SPATA31D1: variants seen among roughly 807,000 people sequenced by gnomAD.
The protein encoded by SPATA31D1 is SPATA31 subfamily D member 1, also known as spermatogenesis-associated protein 31D1.
Under a neutral mutation model 13.2 loss-of-function variants are expected in SPATA31D1, and 6 were observed. The observed-to-expected ratio is 0.46, with a 90% confidence interval of 0.25 to 0.90. SPATA31D1 has a LOEUF of 0.90. Ranked by LOEUF, SPATA31D1 falls within the 40% of genes least tolerant of loss-of-function variation. The pLI is 0.18. For missense variants in SPATA31D1, 2,445 were observed against 1,884.7 expected (o/e 1.30, Z -5.50); for synonymous variants, 903 against 718.8 (o/e 1.26, Z -4.10).
chr9:81,990,929 T>C lies in SPATA31D1; in HGVS notation c.459T>C (p.Ala153=). ...LLSWESLKDA[A]PSVSPLASSA... ...CTTGGGAGTCCCTGAAAGATGCTGC[T>C]CCCTCTGTGTCCCCTTTGGCTTCTT... Residue 153 remains alanine, a synonymous_variant, in exon 4 of 4, where the codon GCT becomes GCC. Transcript: ENST00000344803. The C allele has an allele frequency of 6.2e-7, 1 of 1,613,900 alleles. No individual in the cohort carries two copies. Among genetic ancestry groups the C allele is most frequent in the Non-Finnish European group, 8.5e-7 (1 of 1,179,864 alleles).
In SPATA31D1 at chr9:81,994,046, T is replaced by C. The variant is rs1825041287; in HGVS notation, c.3576T>C (p.Pro1192=). Residue 1192 remains proline (P), a synonymous_variant, in exon 4 of 4, where the codon CCT becomes CCC. Coordinates refer to ENST00000344803, the MANE Select transcript of SPATA31D1 (RefSeq NM_001001670.3). ...TEIFPPRISV[P]QDPKSSYLKN... is the part of the protein sequence containing the mutation. ...TTTTCCCACCAAGAATATCAGTTCC[T>C]CAAGATCCTAAATCATCATACCTTA... The C allele has an allele frequency of 6.2e-7, 1 of 1,613,850 alleles. No homozygotes were observed. Among genetic ancestry groups the C allele is most frequent in the Admixed American group, 1.7e-5 (1 of 60,018 alleles).
Position 81,994,336 on chromosome 9 carries a change from C to T in SPATA31D1, c.3866C>T (p.Pro1289Leu), listed in dbSNP as rs929757278. ...AAGTGTCAAGTTACGAATTTCCCAC[C>T]AGCTGTAAACAGAGTGAGTCCTGTG... ...LQKCQVTNFPPAVNRVSPVRP... is the reference protein window; with the variant it reads ...LQKCQVTNFPLAVNRVSPVRP... The change falls in exon 4 of 4, where the codon CCA (proline) becomes CTA (leucine). Residue 1289 changes from proline (P) to leucine (L), a missense_variant. Coordinates refer to ENST00000344803, the MANE Select transcript of SPATA31D1 (RefSeq NM_001001670.3). The T allele has an allele frequency of 1.4e-5, 23 of 1,613,800 alleles. No individual in the cohort carries two copies. The highest frequency in any genetic ancestry group is 1.0e-4 in the Admixed American group (6 of 59,996).
Position 81,994,565 on chromosome 9 carries a change from C to T in SPATA31D1, c.4095C>T (p.Ser1365=). 1 of 1,613,034 alleles carries T rather than the reference C, an allele frequency of 6.2e-7. No individual in the cohort carries two copies. The highest frequency in any genetic ancestry group is 8.5e-7 in the Non-Finnish European group (1 of 1,179,432). ...KTSLQWFNKP[S]ISYEEQESSW... The stretch of plus-strand genomic sequence containing the variant: ...CTTTGCAGTGGTTTAATAAACCCAG[C>T]ATATCATATGAAGAACAAGAAAGTT... The change falls in exon 4 of 4, where the codon AGC becomes AGT. Residue 1365 remains serine (S), a synonymous_variant. Transcript: ENST00000344803.
chr9:81,990,497 T>C lies in SPATA31D1; in HGVS notation c.302+11T>C, dbSNP rs751427388. ...TTCTCTTCTGAAAAGGTGATTAATC[T>C]TTCCCTTTGTGTCCTGTTCCCACCC... On this transcript the variant is annotated intron_variant, in intron 3 of 3. Transcript: ENST00000344803. 6.3e-7 allele frequency: 1 copy of C among 1,596,332 alleles called. No homozygotes were observed. Among genetic ancestry groups the C allele is most frequent in the African/African-American group, 1.3e-5 (1 of 74,774 alleles).
Position 81,993,118 on chromosome 9 carries a change from A to T in SPATA31D1, c.2648A>T (p.Asp883Val). Reference sequence around the variant, plus strand: ...AATCTGGTAACATTGGTGAGTGAGGACCACTGCGTTGATACTTCCCAGGAA... The same window carrying T: ...AATCTGGTAACATTGGTGAGTGAGGTCCACTGCGTTGATACTTCCCAGGAA... Reference protein sequence around the residue: ...HRNLVTLVSEDHCVDTSQEIS... With the variant: ...HRNLVTLVSEVHCVDTSQEIS... The change falls in exon 4 of 4, where the codon GAC becomes GTC. Residue 883 changes from aspartate (D) to valine (V), a missense_variant. Coordinates refer to ENST00000344803, the MANE Select transcript of SPATA31D1 (RefSeq NM_001001670.3). 1 of 1,613,948 alleles carries T rather than the reference A, an allele frequency of 6.2e-7. No homozygotes were observed. Among genetic ancestry groups the T allele is most frequent in the African/African-American group, 1.3e-5 (1 of 75,042 alleles).
In SPATA31D1 at chr9:81,994,780, G is replaced by T. The variant is rs893139414; in HGVS notation, c.4310G>T (p.Gly1437Val). 1 of 1,613,912 alleles carries T rather than the reference G, an allele frequency of 6.2e-7. No individual in the cohort carries two copies. The highest frequency in any genetic ancestry group is 8.5e-7 in the Non-Finnish European group (1 of 1,179,874). The change falls in exon 4 of 4, where the codon GGG becomes GTG. Residue 1437 changes from glycine (G) to valine (V), a missense_variant. Transcript: ENST00000344803. ...CAAGAGCCCCTTTCCTTCCCAGTGG[G>T]GCTTGGGAAAGCTCAGCACAACCCA... The part of the protein sequence containing the change: ...CPQEPLSFPV[G>V]LGKAQHNPEV...
In SPATA31D1 at chr9:81,993,240, G is replaced by T. The variant is rs753660945; in HGVS notation, c.2770G>T (p.Glu924Ter). ...MLWGLPLKVL[E>*]SIEIFKSKAD... is the part of the protein sequence containing the mutation. ...GTGGGGCCTTCCCCTCAAGGTCCTT[G>T]AATCCATAGAAATCTTCAAATCGAA... is the stretch of plus-strand genomic sequence containing the variant. Residue 924 changes from glutamate (E) to a stop codon, truncating the protein, a stop_gained, in exon 4 of 4, where the codon GAA (glutamate) becomes TAA (stop). Transcript: ENST00000344803. LOFTEE classifies it low-confidence loss of function (END_TRUNC). 7 of 1,613,968 alleles carry T rather than the reference G, an allele frequency of 4.3e-6. No individual in the cohort carries two copies. The highest frequency in any genetic ancestry group is 5.9e-6 in the Non-Finnish European group (7 of 1,179,894).
At chr9:81,987,639 A>G (rs2133433486), upstream of SPATA31D1, among the ~76,000 whole-genome samples, 1 of 152,330 alleles carries the variant, frequency 6.6e-6, no homozygotes. Context: ...TTAACCCCCA[A>G]GATCCCTTGA....
chr9:81,992,443 A>C lies in SPATA31D1; in HGVS notation c.1973A>C (p.Glu658Ala), dbSNP rs142280401. 1 of 1,612,630 alleles carries C rather than the reference A, an allele frequency of 6.2e-7. No homozygotes were observed. The highest frequency in any genetic ancestry group is 8.5e-7 in the Non-Finnish European group (1 of 1,179,712). Residue 658 changes from glutamate to alanine, a missense_variant, in exon 4 of 4, where the codon GAA (glutamate) becomes GCA (alanine). Transcript: ENST00000344803. ...EDFCPPAPNP[E>A]LVRKSFKVHV... is the part of the protein sequence containing the mutation. ...TTTTGTCCTCCAGCTCCCAATCCTG[A>C]ATTGGTCAGAAAGTCCTTCAAGGTC...
At position 81,992,226 on chromosome 9, in the gene SPATA31D1, T is replaced by C. The variant is rs1824984830; in HGVS notation, c.1756T>C (p.Ser586Pro). Reference protein sequence around the residue: ...TQVKSLAQPQSPFRALLPSPL... With the variant: ...TQVKSLAQPQPPFRALLPSPL... ...GGTGAAGTCCCTGGCTCAACCTCAA[T>C]CTCCATTCCGAGCCCTACTACCTAG... The change falls in exon 4 of 4, where the codon TCT (serine) becomes CCT (proline). Residue 586 changes from serine to proline, a missense_variant. Ser to Pro is a moderately conservative substitution (Grantham distance 74). Transcript: ENST00000344803. 5.6e-6 allele frequency: 9 copies of C among 1,613,704 alleles called. No homozygotes were observed. The highest frequency in any genetic ancestry group is 7.6e-6 in the Non-Finnish European group (9 of 1,179,708).
At chr9:81,990,114 T>C in intron 2 of SPATA31D1, 1 of 520,278 alleles carries the variant, frequency 1.9e-6, no homozygotes, top group South Asian at 2.9e-5. Context: ...GAGTCAGAGC[T>C]TCTGTCTCAC....
Position 81,991,277 on chromosome 9 carries a change from C to T in SPATA31D1, c.807C>T (p.Asn269=), listed in dbSNP as rs1279668051. The change falls in exon 4 of 4, where the codon AAC becomes AAT. Residue 269 remains asparagine (N), a synonymous_variant. Transcript: ENST00000344803. ...SLQPEASLSL[N]TIFSFGSTLC... is the part of the protein sequence containing the mutation. The stretch of plus-strand genomic sequence containing the variant: ...AACCTGAAGCCAGTTTGTCTCTGAA[C>T]ACCATCTTTTCATTTGGCTCCACCC... 7 of 1,614,014 alleles carry T rather than the reference C, an allele frequency of 4.3e-6. No individual in the cohort carries two copies. The highest frequency in any genetic ancestry group is 5.9e-6 in the Non-Finnish European group (7 of 1,179,892).
At chr9:81,990,016 G>A (rs1824920420) in intron 2 of SPATA31D1, 193 bp downstream of exon 2, 5 of 627,302 alleles carry the variant, frequency 8.0e-6, no homozygotes, top group African/African-American at 1.9e-5. Flanking sequence ...GCCCATTTAC[G>A]GGCAGGACAA....
In SPATA31D1 at chr9:81,993,747, C is replaced by T; in HGVS notation, c.3277C>T (p.Pro1093Ser). Reference protein sequence around the residue: ...EDGRQTFLPPPHSIVDEVSQK... With the variant: ...EDGRQTFLPPSHSIVDEVSQK... ...TGGCAGACAGACTTTTCTGCCCCCG[C>T]CACACAGCATCGTAGACGAAGTCAG... is the stretch of plus-strand genomic sequence containing the variant. The change falls in exon 4 of 4, where the codon CCA (proline) becomes TCA (serine). Residue 1093 changes from proline to serine, a missense_variant. Transcript: ENST00000344803. 6.2e-7 allele frequency: 1 copy of T among 1,613,984 alleles called. No individual in the cohort carries two copies. Among genetic ancestry groups the T allele is most frequent in the South Asian group, 1.1e-5 (1 of 91,082 alleles).
rs186419676 is a variant in SPATA31D1, at chr9:81,992,176, A to G, written c.1706A>G (p.Gln569Arg). 49 of 1,613,618 alleles carry G rather than the reference A, an allele frequency of 3.0e-5. No individual in the cohort carries two copies. In the African/African-American group the frequency reaches 3.7e-4, roughly 12 times the overall value. Residue 569 changes from glutamine to arginine, a missense_variant, in exon 4 of 4, where the codon CAA (glutamine) becomes CGA (arginine). Physicochemically the swap from Gln to Arg is conservative, Grantham distance 43. Transcript: ENST00000344803. ...CTACCCTTGCCTCAAACCCTGCCCC[A>G]AGGTCAGTCCCCACATCTCACTCAG... ...QPLPLPQTLPQGQSPHLTQVK... is the reference protein window; with the variant it reads ...QPLPLPQTLPRGQSPHLTQVK...
upstream of SPATA31D1, among the ~76,000 whole-genome samples, chr9:81,987,847 A>T (rs1824882871): frequency 6.6e-6 from 1 of 152,166 alleles, no homozygotes; most frequent in Non-Finnish European, 1.5e-5. Flanking sequence ...TTCTGAGATT[A>T]AAAAACTGGC....
In SPATA31D1 at chr9:81,990,813, C is replaced by T; in HGVS notation, c.343C>T (p.His115Tyr). Reference protein sequence around the residue: ...PVSCSPRGQHHDTNHFRRLLC... With the variant: ...PVSCSPRGQHYDTNHFRRLLC... ...TTCCTGCAGTCCTCGGGGCCAGCAT[C>T]ATGATACCAACCACTTTCGTCGACT... is the stretch of plus-strand genomic sequence containing the variant. Residue 115 changes from histidine (H) to tyrosine (Y), a missense_variant, in exon 4 of 4, where the codon CAT becomes TAT. Coordinates refer to ENST00000344803, the MANE Select transcript of SPATA31D1 (RefSeq NM_001001670.3). The T allele has an allele frequency of 2.5e-6, 4 of 1,613,530 alleles. No homozygotes were observed. The highest frequency in any genetic ancestry group is 3.4e-6 in the Non-Finnish European group (4 of 1,179,670).
At position 81,995,186 on chromosome 9, in the gene SPATA31D1, TC is replaced by T. The variant is rs1564176707; in HGVS notation, c.4722del (p.Thr1575GlnfsTer15). ...CAAAGCATTTACAGGGAGGAAAATT[TC>T]CCCCCACAAAATAATTCACTCCTTG... ...LPKHLQGGKF[P>X]PTK On this transcript the variant is annotated frameshift_variant, in exon 4 of 4. Transcript: ENST00000344803. LOFTEE classifies it low-confidence loss of function (END_TRUNC). 1.3e-6 allele frequency: 2 copies of T among 1,527,736 alleles called. No homozygotes were observed. Among genetic ancestry groups the T allele is most frequent in the Non-Finnish European group, 1.8e-6 (2 of 1,135,902 alleles). 94.6% of individuals were successfully genotyped at this position (1,527,736 alleles called of 1,614,324 possible).
rs375191554 is a variant in SPATA31D1, at chr9:81,993,337, C to A, written c.2867C>A (p.Ser956Tyr). The A allele has an allele frequency of 1.9e-6, 3 of 1,613,868 alleles. No individual in the cohort carries two copies. In the Admixed American group the frequency reaches 5.0e-5, roughly 27 times the overall value. ...SSATFISQGD[S>Y]KDGVSKSRSR... Reference sequence around the variant, plus strand: ...GCCACCTTCATCTCTCAGGGAGATTCCAAAGATGGGGTCTCTAAGTCCCGT... The same window carrying A: ...GCCACCTTCATCTCTCAGGGAGATTACAAAGATGGGGTCTCTAAGTCCCGT... Residue 956 changes from serine (S) to tyrosine (Y), a missense_variant, in exon 4 of 4, where the codon TCC (serine) becomes TAC (tyrosine). Transcript: ENST00000344803.
Sources: allele counts gnomAD v4.1 joint callset (sites outside exome capture counted in the v4.1 genomes callset), GRCh38; gene constraint gnomAD v4.1.1; transcripts MANE v1.5; gene names NCBI Gene and HGNC (gene_info 2026-07-23, HGNC 2026-07-21).